ANGPT1: variants seen among roughly 807,000 people sequenced by gnomAD.
ANGPT1 encodes angiopoietin-1.
A neutral mutation model predicts 62.2 loss-of-function variants in ANGPT1; 17 were observed. The ratio of observed to expected loss-of-function variants is 0.27; its 90% confidence interval spans 0.19 to 0.41. ANGPT1 has a LOEUF of 0.41. Ranked by LOEUF, ANGPT1 falls within the 10% of genes least tolerant of loss-of-function variation. The pLI is 1.00. For missense variants in ANGPT1, 478 were observed against 594.9 expected, an observed-to-expected ratio of 0.80 and a Z score of 2.04; for synonymous variants, 199 against 198.9, an observed-to-expected ratio of 1.00 and a Z score of 0.00.
intron 4 of ANGPT1, among the ~76,000 whole-genome samples, chr8:107,309,853 T>C (rs1413909130): frequency 6.6e-6 from 1 of 152,202 alleles, no homozygotes; most frequent in Non-Finnish European, 1.5e-5. Flanking sequence ...TGTGTGTATG[T>C]GTGTGAGACA....
At chr8:107,265,582 A>AAC (rs1434153683) in intron 7 of ANGPT1, among the ~76,000 whole-genome samples, 2 of 152,062 alleles carry the variant, frequency 1.3e-5, no homozygotes, top group Non-Finnish European at 2.9e-5. Context: ...AACTCTACCT[A>AAC]ACACTGCTTC....
At chr8:107,474,009 C>T (rs1397674803) in intron 1 of ANGPT1, among the ~76,000 whole-genome samples, 1 of 152,076 alleles carries the variant, frequency 6.6e-6, no homozygotes, top group Non-Finnish European at 1.5e-5. Context: ...ACCAGAGGTA[C>T]AAGGAGGAGC....
intron 1 of ANGPT1, among the ~76,000 whole-genome samples, chr8:107,400,323 G>A (rs748407881): frequency 6.6e-6 from 1 of 152,160 alleles, no homozygotes; most frequent in Non-Finnish European, 1.5e-5. Context: ...ACAACAAGAT[G>A]TTTAGTTCAG....
rs564360703 is a variant in ANGPT1 at position 107,452,279 on chromosome 8, C to T, written c.297+44983G>A. ...GAGAAAATGTGAGCAATGACACATC[C>T]TCATATCCTTTATAATTAGGATCTT... On this transcript the variant is annotated intron_variant, in intron 1 of 8. Coordinates refer to ENST00000517746, the MANE Select transcript of ANGPT1 (RefSeq NM_001146.5). Among the ~76,000 whole-genome samples the T allele has an allele frequency of 2.3e-4, 35 of 151,616 alleles. No homozygotes were observed. In the South Asian group the frequency reaches 6.9e-3, roughly 30 times the overall value.
At chr8:107,298,628 C>A (rs2130201769) in intron 5 of ANGPT1, among the ~76,000 whole-genome samples, 1 of 151,874 alleles carries the variant, frequency 6.6e-6, no homozygotes, top group South Asian at 2.1e-4. Context: ...CTCTAACTTT[C>A]AAAGACATTT....
intron 1 of ANGPT1, among the ~76,000 whole-genome samples, chr8:107,354,322 T>C (rs182319598): frequency 1.8e-4 from 28 of 152,244 alleles, no homozygotes; most frequent in African/African-American, 6.7e-4. Context: ...ACATGGCATA[T>C]AGAAAGCACA....
intron 1 of ANGPT1, among the ~76,000 whole-genome samples, chr8:107,351,645 T>C (rs1285633272): frequency 6.6e-6 from 1 of 152,046 alleles, no homozygotes; most frequent in East Asian, 1.9e-4. Context: ...TACTTTCACT[T>C]GGTTTCACTA....
At chr8:107,283,466 A>G (rs7816923) in intron 7 of ANGPT1, among the ~76,000 whole-genome samples, 118,206 of 151,774 alleles carry the variant, frequency 0.78, 46,444 homozygotes, top group Middle Eastern at 0.85. Context: ...AACCCCATAC[A>G]TAATCCATTA....
At chr8:107,398,836 C>A (rs1189091830) in intron 1 of ANGPT1, among the ~76,000 whole-genome samples, 1 of 152,050 alleles carries the variant, frequency 6.6e-6, no homozygotes, top group African/African-American at 2.4e-5. Flanking sequence ...GGAATGGGAG[C>A]CTCAGAAGAC....
At chr8:107,375,944 A>G (rs1268360986) in intron 1 of ANGPT1, among the ~76,000 whole-genome samples, 2 of 152,164 alleles carry the variant, frequency 1.3e-5, no homozygotes, top group Non-Finnish European at 1.5e-5. Context: ...TTGGATTTGT[A>G]TATTTTACTA....
chr8:107,447,016 C>G (rs902930055), intron 1 of ANGPT1, among the ~76,000 whole-genome samples: 1 of 152,160 alleles, frequency 6.6e-6, no homozygotes, highest in Non-Finnish European at 1.5e-5. Context: ...TTGAAGACTC[C>G]TTTTTCTGTT....
At chr8:107,361,877 G>C (rs1816173937) in intron 1 of ANGPT1, among the ~76,000 whole-genome samples, 1 of 151,984 alleles carries the variant, frequency 6.6e-6, no homozygotes, top group Non-Finnish European at 1.5e-5. Flanking sequence ...TGGCCAACAT[G>C]GTGAAACCCT....
chr8:107,471,195 C>CATTTGGAATA, intron 1 of ANGPT1, among the ~76,000 whole-genome samples: 1 of 152,154 alleles, frequency 6.6e-6, no homozygotes, highest in South Asian at 2.1e-4. Flanking sequence ...CACATATACA[C>CATTTGGAATA]CATGGAATAC....
rs28674980 is a variant in ANGPT1, at chr8:107,316,109, T to C, written c.808+5787A>G. ...AGTTGTTTAACCTAGAAATGTGCAA[T>C]TGGTATTAGATTAGACTTCTAGGAA... is the stretch of plus-strand genomic sequence containing the variant. On this transcript the variant is annotated intron_variant, in intron 4 of 8. Coordinates refer to ENST00000517746, the MANE Select transcript of ANGPT1 (RefSeq NM_001146.5). 2.2e-4 allele frequency among the ~76,000 whole-genome samples: 34 copies of C among 152,276 alleles called. No individual in the cohort carries two copies. In the East Asian group the frequency reaches 5.2e-3, roughly 23 times the overall value.
chr8:107,449,918 A>C (rs532930013), intron 1 of ANGPT1, among the ~76,000 whole-genome samples: 36 of 152,210 alleles, frequency 2.4e-4, no homozygotes, highest in Non-Finnish European at 4.1e-4. Context: ...GCCTTCTCTC[A>C]ATTTGTTATA....
chr8:107,262,591 GT>G (rs1813518973), intron 8 of ANGPT1, among the ~76,000 whole-genome samples: 2 of 152,212 alleles, frequency 1.3e-5, no homozygotes, highest in Non-Finnish European at 2.9e-5. Flanking sequence ...AATAATGGTA[GT>G]AACGTAGTGT....
At chr8:107,484,719 A>T (rs1425661735) in intron 1 of ANGPT1, among the ~76,000 whole-genome samples, 1 of 152,216 alleles carries the variant, frequency 6.6e-6, no homozygotes, top group Non-Finnish European at 1.5e-5. Context: ...AGTCATTTTC[A>T]CACTTGCTAT....
chr8:107,417,031 C>T (rs1009433280), intron 1 of ANGPT1, among the ~76,000 whole-genome samples: 4 of 151,942 alleles, frequency 2.6e-5, no homozygotes, highest in Non-Finnish European at 4.4e-5. Flanking sequence ...CCTCGTGATC[C>T]GCCCACCTCA....
chr8:107,337,672 G>C (rs1815598659), intron 2 of ANGPT1, among the ~76,000 whole-genome samples: 1 of 152,128 alleles, frequency 6.6e-6, no homozygotes, highest in Non-Finnish European at 1.5e-5. Flanking sequence ...AAAGGACCTG[G>C]AAATACTTCT....
Sources: allele counts gnomAD v4.1 joint callset (sites outside exome capture counted in the v4.1 genomes callset), GRCh38; gene constraint gnomAD v4.1.1; transcripts MANE v1.5; gene names NCBI Gene and HGNC (gene_info 2026-07-23, HGNC 2026-07-21).